Variants in IL1RAPL1 observed in about 807,000 individuals in gnomAD.
IL1RAPL1 encodes interleukin-1 receptor accessory protein-like 1.
A neutral mutation model predicts 48.4 loss-of-function variants in IL1RAPL1; 3 were observed. The observed-to-expected ratio is 0.06, with a 90% CI of 0.03 to 0.16. The LOEUF (loss-of-function observed/expected upper bound fraction) is 0.16, where lower values mean the gene tolerates loss of function less well. Among genes scored for constraint, IL1RAPL1 ranks in the 10% least tolerant of loss-of-function variants. IL1RAPL1 has a pLI of 1.00. For synonymous variants in IL1RAPL1, 185 were observed against 187.7 expected (o/e 0.99, Z 0.12); for missense variants, 349 against 530.6 (o/e 0.66, Z 3.36).
chrX:28,719,585 A>G (rs1171427498), intron 1 of IL1RAPL1, among the ~76,000 whole-genome samples: 2 of 110,739 alleles, frequency 1.8e-5, no homozygotes, highest in Non-Finnish European at 3.8e-5. Context: ...AATGGTCCTG[A>G]AGAAATCTGA....
At chrX:29,115,916 C>T (rs1307384351) in intron 2 of IL1RAPL1, among the ~76,000 whole-genome samples, 1 of 110,315 alleles carries the variant, frequency 9.1e-6, no homozygotes, top group Non-Finnish European at 1.9e-5. Flanking sequence ...TGCACTCTTT[C>T]TATTATTTTA....
At chrX:29,309,862 G>A (rs1244530124) in intron 3 of IL1RAPL1, among the ~76,000 whole-genome samples, 4 of 106,911 alleles carry the variant, frequency 3.7e-5, no homozygotes, top group Admixed American at 1.0e-4. Flanking sequence ...TTGGGTGGCC[G>A]AGGTGGGTGG....
At chrX:29,620,827 T>A (rs1924438062) in intron 5 of IL1RAPL1, among the ~76,000 whole-genome samples, 1 of 112,524 alleles carries the variant, frequency 8.9e-6, no homozygotes, top group African/African-American at 3.2e-5. Context: ...TATCAGTGAC[T>A]TACTTACGTC....
At chrX:29,548,961 A>G (rs1452971189) in intron 5 of IL1RAPL1, among the ~76,000 whole-genome samples, 2 of 112,064 alleles carry the variant, frequency 1.8e-5, no homozygotes, top group African/African-American at 6.5e-5. Context: ...TTTTCAATAA[A>G]TCACATCATA....
chrX:29,556,381 G>A (rs1403067813), intron 5 of IL1RAPL1, among the ~76,000 whole-genome samples: 1 of 111,727 alleles, frequency 9.0e-6, no homozygotes, highest in Admixed American at 9.5e-5. Context: ...AGGCGTAGTG[G>A]CTCACGCCTG....
intron 1 of IL1RAPL1, among the ~76,000 whole-genome samples, chrX:28,660,505 G>A (rs1934810058): frequency 9.0e-6 from 1 of 111,585 alleles, no homozygotes; most frequent in South Asian, 3.7e-4. Context: ...TTAGATATAG[G>A]ATACTCAAAT....
intron 6 of IL1RAPL1, among the ~76,000 whole-genome samples, chrX:29,814,877 A>G (rs1027274614): frequency 3.6e-5 from 4 of 111,287 alleles, no homozygotes; most frequent in African/African-American, 1.3e-4. Context: ...TTTGTTGAAG[A>G]TCAGATGGTT....
intron 2 of IL1RAPL1, among the ~76,000 whole-genome samples, chrX:28,937,106 T>C (rs1924035997): frequency 9.0e-6 from 1 of 111,529 alleles, no homozygotes; most frequent in Non-Finnish European, 1.9e-5. Context: ...TTTTTATTCA[T>C]TTATTGTCAT....
intron 3 of IL1RAPL1, among the ~76,000 whole-genome samples, chrX:29,323,506 A>G (rs1194077145): frequency 1.9e-5 from 2 of 102,675 alleles, no homozygotes; most frequent in South Asian, 4.6e-4. Context: ...AACACTGTCA[A>G]CATCCTTCAC....
chrX:28,845,117 G>A (rs1684274623), intron 2 of IL1RAPL1, among the ~76,000 whole-genome samples: 2 of 111,496 alleles, frequency 1.8e-5, no homozygotes, highest in African/African-American at 3.3e-5. Context: ...TAAAAGATAC[G>A]ATTTGTCATG....
chrX:29,657,280 C>A (rs1048896162), intron 5 of IL1RAPL1, among the ~76,000 whole-genome samples: 3 of 111,671 alleles, frequency 2.7e-5, no homozygotes, highest in Non-Finnish European at 5.6e-5. Context: ...CCAGATAATT[C>A]TTGCGTTTGT....
At chrX:29,410,487 G>T (rs2147697534) in intron 5 of IL1RAPL1, among the ~76,000 whole-genome samples, 1 of 109,821 alleles carries the variant, frequency 9.1e-6, no homozygotes, top group Non-Finnish European at 1.9e-5. Flanking sequence ...TCCAGTGCTT[G>T]CCAAGTACCT....
chrX:28,768,578 G>A (rs960892317), intron 1 of IL1RAPL1, among the ~76,000 whole-genome samples: 2 of 107,017 alleles, frequency 1.9e-5, no homozygotes, highest in Non-Finnish European at 3.9e-5. Context: ...ATTAGAAATC[G>A]CATGACTACA....
rs145260084 is a variant in IL1RAPL1 at position 29,584,368 on chromosome X, T to C, written c.704-84062T>C. Reference sequence around the variant, plus strand: ...GAAAGAAAACCTTTCTTGACTCCAATTTCCATTATATTTAACTCCTTATTA... The same window carrying C: ...GAAAGAAAACCTTTCTTGACTCCAACTTCCATTATATTTAACTCCTTATTA... On this transcript the variant is annotated intron_variant, in intron 5 of 10. Coordinates refer to ENST00000378993, the MANE Select transcript of IL1RAPL1 (RefSeq NM_014271.4). Among the ~76,000 whole-genome samples the C allele has an allele frequency of 4.6e-3, 512 of 111,521 alleles. 3 individuals are homozygous for C. The highest frequency in any genetic ancestry group is 0.016 in the African/African-American group (494 of 30,733).
chrX:29,663,724 G>C, intron 5 of IL1RAPL1, among the ~76,000 whole-genome samples: 1 of 112,110 alleles, frequency 8.9e-6, no homozygotes, highest in Non-Finnish European at 1.9e-5. Context: ...AATGTGGAAA[G>C]TGTTAATGAT....
At chrX:29,661,309 A>G (rs968581186) in intron 5 of IL1RAPL1, among the ~76,000 whole-genome samples, 1 of 112,117 alleles carries the variant, frequency 8.9e-6, no homozygotes, top group African/African-American at 3.2e-5. Context: ...AATGCCATGT[A>G]TTTCTTTCTA....
intron 3 of IL1RAPL1, among the ~76,000 whole-genome samples, chrX:29,368,397 T>C (rs1341573586): frequency 9.0e-6 from 1 of 111,445 alleles, no homozygotes; most frequent in Non-Finnish European, 1.9e-5. Context: ...TTTTGTTTGT[T>C]TTGAGACAAG....
intron 5 of IL1RAPL1, among the ~76,000 whole-genome samples, chrX:29,491,808 G>A (rs973601656): frequency 4.5e-5 from 5 of 110,778 alleles, no homozygotes; most frequent in African/African-American, 6.6e-5. Context: ...CAAAATGGGA[G>A]CATTCTAGAT....
chrX:29,485,552 C>T (rs753568543), intron 5 of IL1RAPL1, among the ~76,000 whole-genome samples: 1 of 111,276 alleles, frequency 9.0e-6, no homozygotes, highest in Non-Finnish European at 1.9e-5. Flanking sequence ...GCTCCTTTAA[C>T]CCCACTCTTA....
Sources: gnomAD v4.1 joint callset for allele counts (sites outside exome capture counted in the v4.1 genomes callset) on GRCh38, gnomAD v4.1.1 for gene constraint, MANE v1.5 for transcripts, NCBI Gene and HGNC (gene_info 2026-07-23, HGNC 2026-07-21) for gene names.